Variants in LIPA observed in about 807,000 individuals in gnomAD.
LIPA encodes lysosomal acid lipase/cholesteryl ester hydrolase.
Under a neutral mutation model 40.6 loss-of-function variants are expected in LIPA, and 26 were observed. That is an observed-to-expected ratio of 0.64 (90% CI 0.47 to 0.89). The LOEUF (loss-of-function observed/expected upper bound fraction) is 0.89, where lower values mean the gene tolerates loss of function less well. LIPA is among the 40% of genes least tolerant of loss of function. The pLI is 0.00. For missense variants in LIPA, 455 were observed against 479.6 expected (o/e 0.95, Z 0.48); for synonymous variants, 188 against 168.4 (o/e 1.12, Z -0.90).
rs1409997948 is a variant in LIPA, at chr10:89,245,807, G to T, written c.112-14C>A. The T allele has an allele frequency of 7.5e-7, 1 of 1,325,784 alleles. No individual in the cohort carries two copies. Among genetic ancestry groups the T allele is most frequent in the East Asian group, 2.3e-5 (1 of 43,550 alleles). 82.1% of individuals were successfully genotyped at this position (1,325,784 alleles called of 1,614,324 possible). The stretch of plus-strand genomic sequence containing the variant: ...GATAATTTCACTCTGTAGAGAAAAA[G>T]GACGATGGAAATTGGGTGGACAGAA... On this transcript the variant is annotated splice_polypyrimidine_tract_variant and intron_variant, in intron 2 of 9. Transcript: ENST00000336233.
intron 2 of LIPA, among the ~76,000 whole-genome samples, chr10:89,400,275 A>T (rs1844403516): frequency 6.6e-6 from 1 of 152,200 alleles, no homozygotes; most frequent in East Asian, 1.9e-4. Flanking sequence ...TTGACATTTC[A>T]TATGAATTTT....
chr10:89,317,627 A>C (rs927024580), intron 1 of LIPA, among the ~76,000 whole-genome samples: 1 of 152,252 alleles, frequency 6.6e-6, no homozygotes, highest in Non-Finnish European at 1.5e-5. Flanking sequence ...AATGGAACCA[A>C]GTTGGAAAAC....
chr10:89,338,648 A>G (rs1432273817), intron 1 of LIPA: 1 of 1,602,332 alleles, frequency 6.2e-7, no homozygotes, highest in Non-Finnish European at 8.5e-7. Context: ...GACCATGTTT[A>G]TTTTCTCCAC....
In LIPA at chr10:89,352,371, C is replaced by T. The variant is rs116957189; in HGVS notation, c.61+60420G>A. On this transcript the variant is annotated intron_variant, in intron 2 of 8. Transcript: ENST00000371837. ...CCACCCATGGATCACGCTAACACCA[C>T]CATTTTTTGTACATATGATTCATGG... 9.1e-3 allele frequency among the ~76,000 whole-genome samples: 1,379 copies of T among 152,284 alleles called. 10 individuals carry two copies. Among genetic ancestry groups the T allele is most frequent in the Middle Eastern group, 0.024 (7 of 294 alleles).
At chr10:89,232,726 C>T (rs2133443536) in intron 3 of LIPA, among the ~76,000 whole-genome samples, 1 of 152,340 alleles carries the variant, frequency 6.6e-6, no homozygotes, top group East Asian at 1.9e-4. Flanking sequence ...CCCACCTTCT[C>T]TCGATGGAGA....
chr10:89,385,393 T>C (rs1844203553), intron 2 of LIPA, among the ~76,000 whole-genome samples: 1 of 152,156 alleles, frequency 6.6e-6, no homozygotes, highest in Non-Finnish European at 1.5e-5. Flanking sequence ...CCACAACACA[T>C]CCCTGCATTC....
At chr10:89,221,857 T>C (rs957334861) in intron 8 of LIPA, among the ~76,000 whole-genome samples, 3 of 152,252 alleles carry the variant, frequency 2.0e-5, no homozygotes, top group African/African-American at 4.8e-5. Flanking sequence ...TCAATATCTA[T>C]GGATATGCAT....
At chr10:89,236,299 C>T (rs1453677420) in intron 3 of LIPA, among the ~76,000 whole-genome samples, 1 of 152,166 alleles carries the variant, frequency 6.6e-6, no homozygotes, top group Non-Finnish European at 1.5e-5. Flanking sequence ...TTATTGTGTA[C>T]TACTGTAATA....
chr10:89,327,972 A>G lies in LIPA; in HGVS notation c.-2+14639T>C, dbSNP rs77689297. On this transcript the variant is annotated intron_variant, in intron 1 of 5. Transcript: ENST00000282673. Reference sequence around the variant, plus strand: ...GTGCCCTACTCTCCCACCCCTTTATATAGTTCCTTCAGTATTTACTTGAGG... The same window carrying G: ...GTGCCCTACTCTCCCACCCCTTTATGTAGTTCCTTCAGTATTTACTTGAGG... 8.9e-3 allele frequency: 11,076 copies of G among 1,243,428 alleles called. 101 individuals carry two copies. Among genetic ancestry groups the G allele is most frequent in the African/African-American group, 0.037 (2,483 of 67,402 alleles). 77.0% of individuals were successfully genotyped at this position (1,243,428 alleles called of 1,614,324 possible).
At chr10:89,372,794 A>ACAT (rs1030701452) in intron 2 of LIPA, among the ~76,000 whole-genome samples, 1 of 152,220 alleles carries the variant, frequency 6.6e-6, no homozygotes, top group Non-Finnish European at 1.5e-5. Flanking sequence ...CATCTAGAAA[A>ACAT]CATCTTCACC....
chr10:89,248,053 G>A (rs1379297816), intron 1 of LIPA, among the ~76,000 whole-genome samples: 2 of 151,514 alleles, frequency 1.3e-5, no homozygotes, highest in South Asian at 2.1e-4. Flanking sequence ...TTTTTGTAGC[G>A]ATGGGCTTTC....
At chr10:89,373,664 C>A (rs762758995) in intron 2 of LIPA, among the ~76,000 whole-genome samples, 1 of 152,158 alleles carries the variant, frequency 6.6e-6, no homozygotes, top group South Asian at 2.1e-4. Flanking sequence ...GACTCAGAGC[C>A]TCATAGAAAA....
At chr10:89,309,248 G>C (rs947205529) in intron 1 of LIPA, 19 of 152,102 alleles carry the variant, frequency 1.2e-4, no homozygotes, top group Middle Eastern at 3.2e-3. Flanking sequence ...CCTCTGTTAT[G>C]AGAAATAAAA....
chr10:89,292,074 A>C (rs1843378053), intron 1 of LIPA: 1 of 152,228 alleles, frequency 6.6e-6, no homozygotes, highest in Non-Finnish European at 1.5e-5. Context: ...GCCCAGGAAC[A>C]CCAGCCTTGG....
intron 2 of LIPA, among the ~76,000 whole-genome samples, chr10:89,348,755 C>G (rs1348136863): frequency 6.6e-6 from 1 of 152,152 alleles, no homozygotes; most frequent in African/African-American, 2.4e-5. Context: ...CCCGGTAGTG[C>G]CTGGAATTTC....
chr10:89,405,012 C>T (rs547002743), intron 2 of LIPA: 2 of 151,990 alleles, frequency 1.3e-5, no homozygotes, highest in South Asian at 2.1e-4. Context: ...TTTATGTCAA[C>T]ACTATCAATA....
At chr10:89,387,466 C>T (rs907260782) in intron 2 of LIPA, among the ~76,000 whole-genome samples, 10 of 151,934 alleles carry the variant, frequency 6.6e-5, no homozygotes, top group Non-Finnish European at 1.3e-4. Context: ...GCAATATGGG[C>T]CAGCGAAGAA....
chr10:89,376,174 C>A (rs11203097), intron 2 of LIPA, among the ~76,000 whole-genome samples: 2 of 120,094 alleles, frequency 1.7e-5, no homozygotes, highest in African/African-American at 3.3e-5. Flanking sequence ...GGTGATACAG[C>A]GAGACTCTAT....
intron 2 of LIPA, among the ~76,000 whole-genome samples, chr10:89,365,588 A>G (rs923789542): frequency 1.4e-4 from 21 of 152,244 alleles, no homozygotes; most frequent in Admixed American, 3.9e-4. Flanking sequence ...TTTTAGGTCT[A>G]ACATTTAAAT....
Sources: gnomAD v4.1 joint callset for allele counts (sites outside exome capture counted in the v4.1 genomes callset) on GRCh38, gnomAD v4.1.1 for gene constraint, MANE v1.5 for transcripts, NCBI Gene and HGNC (gene_info 2026-07-23, HGNC 2026-07-21) for gene names.